The following BANF2 variants were observed in gnomAD, a reference collection of about 807,000 sequenced individuals.
BANF2 encodes the protein BANF family member 2.
BANF2 carries 4 observed loss-of-function variants against 8.0 expected under a neutral mutation model. That is an observed-to-expected ratio of 0.50 (90% CI 0.25 to 1.14). BANF2 has a LOEUF of 1.14. Ranked by LOEUF, BANF2 falls within the 50% of genes most tolerant of loss-of-function variation. The probability of loss-of-function intolerance (pLI) is 0.16; values close to 1 mark genes in which losing one functional copy is unlikely to be tolerated. For missense variants in BANF2, 96 were observed against 107.5 expected, an observed-to-expected ratio of 0.89 and a Z score of 0.47; for synonymous variants, 50 against 40.6, an observed-to-expected ratio of 1.23 and a Z score of -0.88.
intron 1 of BANF2, among the ~76,000 whole-genome samples, chr20:17,710,450 T>A (rs891427144): frequency 6.6e-6 from 1 of 152,214 alleles, no homozygotes; most frequent in African/African-American, 2.4e-5. Context: ...GAATTCGTTT[T>A]GAGGACTATG....
rs193050931 is a variant in BANF2, at chr20:17,702,151, C to G, written c.-167+2096C>G. 5.3e-5 allele frequency among the ~76,000 whole-genome samples: 8 copies of G among 152,320 alleles called. No homozygotes were observed. The East Asian group carries it at 1.5e-3, about 29-fold the overall frequency. On this transcript the variant is annotated intron_variant, in intron 1 of 3. Transcript: ENST00000246090. ...TTCTAACCCCAAGGAAAACTTATGT[C>G]TCCATCTGCCGCCTCCCAGCTTGTG...
At position 17,735,838 on chromosome 20, in the gene BANF2, C is replaced by T; in HGVS notation, c.*27C>T. The T allele has an allele frequency of 1.3e-6, 2 of 1,599,416 alleles. No individual in the cohort carries two copies. Among genetic ancestry groups the T allele is most frequent in the Admixed American group, 1.7e-5 (1 of 59,608 alleles). ...CACAAACCTCATTGCTGCCCCCCAC[C>T]ACCCTCTGGGGAAAATGACGCCTTC... On this transcript the variant is annotated 3_prime_UTR_variant, in exon 4 of 4. Transcript: ENST00000246090.
chr20:17,696,432 C>T (rs1254853397), upstream of BANF2, among the ~76,000 whole-genome samples: 3 of 152,186 alleles, frequency 2.0e-5, no homozygotes, highest in African/African-American at 7.2e-5. Flanking sequence ...TATTATATTA[C>T]ATTATGTGAG....
chr20:17,733,698 G>A (rs1480925921), intron 3 of BANF2, among the ~76,000 whole-genome samples: 1 of 152,112 alleles, frequency 6.6e-6, no homozygotes, highest in African/African-American at 2.4e-5. Flanking sequence ...ATCACGCCAA[G>A]TAACTATATT....
chr20:17,695,445 C>CAAAA (rs71192401), upstream of BANF2, among the ~76,000 whole-genome samples: 471 of 51,326 alleles, frequency 9.2e-3, 28 homozygotes, highest in Non-Finnish European at 0.013. Flanking sequence ...GACCTTGTCT[C>CAAAA]AAAAAAAAAA....
chr20:17,729,535 C>T (rs749313443), intron 3 of BANF2, among the ~76,000 whole-genome samples: 6 of 152,142 alleles, frequency 3.9e-5, no homozygotes, highest in Non-Finnish European at 2.9e-5. Context: ...TTAGGAGTTT[C>T]AGACCAGCCT....
chr20:17,729,160 A>G (rs1014742293), intron 3 of BANF2, among the ~76,000 whole-genome samples: 54 of 152,212 alleles, frequency 3.5e-4, no homozygotes, highest in African/African-American at 1.2e-3. Context: ...CAGAAAATTC[A>G]TGGTGCACAT....
chr20:17,702,323 C>T (rs370133701), intron 1 of BANF2, among the ~76,000 whole-genome samples: 15 of 152,260 alleles, frequency 9.9e-5, no homozygotes, highest in South Asian at 8.3e-4. Flanking sequence ...TTCACTGGCC[C>T]GGCCCCTCAC....
At chr20:17,705,734 G>A (rs1212932188) in intron 1 of BANF2, among the ~76,000 whole-genome samples, 2 of 152,190 alleles carry the variant, frequency 1.3e-5, no homozygotes, top group African/African-American at 4.8e-5. Flanking sequence ...GGCCAAGAAG[G>A]GAAAGTGATT....
rs556351546 is a variant in BANF2 at position 17,711,222 on chromosome 20, GTGTGGAGCCACT to G, written c.-167+11170_-167+11181del. 1.4e-4 allele frequency among the ~76,000 whole-genome samples: 22 copies of G among 152,334 alleles called. No individual in the cohort carries two copies. The South Asian group carries it at 4.3e-3, about 30-fold the overall frequency. On this transcript the variant is annotated intron_variant, in intron 1 of 3. Coordinates refer to ENST00000246090, the MANE Select transcript of BANF2 (RefSeq NM_178477.5). ...GCAATCCTCCTGCAGGCAAAGGCCA[GTGTGGAGCCACT>G]TGCCTGCCCCCAGATGGCCTCCCCC...
At chr20:17,720,455 A>G (rs538070214) in intron 1 of BANF2, among the ~76,000 whole-genome samples, 1 of 152,374 alleles carries the variant, frequency 6.6e-6, no homozygotes, top group South Asian at 2.1e-4. Flanking sequence ...CCTTGATAAC[A>G]TTATGCTAAG....
chr20:17,735,729 T>C lies in BANF2; in HGVS notation c.191T>C (p.Leu64Pro), dbSNP rs1348109148. The C allele has an allele frequency of 1.2e-6, 2 of 1,613,716 alleles. No homozygotes were observed. The highest frequency in any genetic ancestry group is 1.7e-5 in the Admixed American group (1 of 59,994). ...HKNEAEFQRW[L>P]ICCFGATECE... is the part of the protein sequence containing the mutation. The stretch of plus-strand genomic sequence containing the variant: ...AATGAAGCCGAGTTTCAGAGGTGGC[T>C]CATTTGCTGTTTTGGTGCCACTGAG... Residue 64 changes from leucine (L) to proline (P), a missense_variant, in exon 4 of 4, where the codon CTC becomes CCC. Coordinates refer to ENST00000246090, the MANE Select transcript of BANF2 (RefSeq NM_178477.5).
chr20:17,700,509 G>A (rs989031018), intron 1 of BANF2, among the ~76,000 whole-genome samples: 4 of 152,158 alleles, frequency 2.6e-5, no homozygotes, highest in African/African-American at 4.8e-5. Flanking sequence ...TGTGAACGAC[G>A]GTCCTTCCTT....
At chr20:17,727,816 C>G (rs947392608) in intron 3 of BANF2, among the ~76,000 whole-genome samples, 7 of 152,168 alleles carry the variant, frequency 4.6e-5, no homozygotes, top group African/African-American at 1.7e-4. Flanking sequence ...GTGATCTCGG[C>G]TCACTGCAAC....
rs780172017 is a variant in BANF2, at chr20:17,735,714, A to G, written c.176A>G (p.Glu59Gly). ...QFLLMHKNEA[E>G]FQRWLICCFG... ...CTTCTGATGCACAAGAATGAAGCCGAGTTTCAGAGGTGGCTCATTTGCTGT... is the reference window on the plus strand; with the variant it reads ...CTTCTGATGCACAAGAATGAAGCCGGGTTTCAGAGGTGGCTCATTTGCTGT... Residue 59 changes from glutamate to glycine, a missense_variant, in exon 4 of 4, where the codon GAG becomes GGG. Glu to Gly is a moderately conservative substitution (Grantham distance 98). Transcript: ENST00000246090. 5.6e-6 allele frequency: 9 copies of G among 1,613,790 alleles called. No individual in the cohort carries two copies. Among genetic ancestry groups the G allele is most frequent in the Non-Finnish European group, 5.9e-6 (7 of 1,179,748 alleles).
chr20:17,702,520 G>A (rs1214777449), intron 1 of BANF2, among the ~76,000 whole-genome samples: 1 of 152,190 alleles, frequency 6.6e-6, no homozygotes, highest in African/African-American at 2.4e-5. Context: ...CTTAAATGAG[G>A]TTGCAAAGAA....
Position 17,709,416 on chromosome 20 carries a change from G to A in BANF2, c.-167+9361G>A, listed in dbSNP as rs545249102. Among the ~76,000 whole-genome samples, 49 of 152,294 alleles carry A rather than the reference G, an allele frequency of 3.2e-4. No individual in the cohort carries two copies. The South Asian group carries it at 7.7e-3, about 24-fold the overall frequency. ...AATGAAGGAAAATTAAATCTTGGGC[G>A]AGGCATTCTGTCCAGCAAAGAACAG... is the stretch of plus-strand genomic sequence containing the variant. On this transcript the variant is annotated intron_variant, in intron 1 of 3. Transcript: ENST00000246090.
At chr20:17,717,551 C>T (rs891304032) in intron 1 of BANF2, among the ~76,000 whole-genome samples, 1 of 152,098 alleles carries the variant, frequency 6.6e-6, no homozygotes, top group Admixed American at 6.5e-5. Flanking sequence ...GGCTAGTTTC[C>T]CTATATGGTC....
At chr20:17,707,548 G>A (rs16999588) in intron 1 of BANF2, among the ~76,000 whole-genome samples, 20,607 of 151,898 alleles carry the variant, frequency 0.14, 1,699 homozygotes, top group African/African-American at 0.23. Flanking sequence ...CATGTCCAAG[G>A]TTCAAGATGA....
Sources: allele counts gnomAD v4.1 joint callset (sites outside exome capture counted in the v4.1 genomes callset), GRCh38; gene constraint gnomAD v4.1.1; transcripts MANE v1.5; gene names NCBI Gene and HGNC (gene_info 2026-07-23, HGNC 2026-07-21).